HRCT1: variants seen among roughly 807,000 people sequenced by gnomAD.
The protein encoded by HRCT1 is histidine-rich carboxyl terminus protein 1.
For synonymous variants in HRCT1, 76 were observed against 69.0 expected (o/e 1.10, Z -0.50); for missense variants, 185 against 161.3 (o/e 1.15, Z -0.80).
rs1554690916 is a variant in HRCT1, at chr9:35,906,598, A to ACCACCACCC, written c.316_317insACCCCCACC (p.His105_Pro106insHisProHis). On this transcript the variant is annotated inframe_insertion, in exon 1 of 1. Transcript: ENST00000354323. ...ACCCCTCACCACCTCCACCACCACC[A>ACCACCACCC]CCACCCCCACCGCCACCATCCCCGC... 2,711 of 1,195,356 alleles carry ACCACCACCC rather than the reference A, an allele frequency of 2.3e-3. 15 individuals are homozygous for ACCACCACCC. The highest frequency in any genetic ancestry group is 2.6e-3 in the Non-Finnish European group (2,375 of 910,756). 74.0% of individuals were successfully genotyped at this position (1,195,356 alleles called of 1,614,324 possible).
Position 35,906,203 on chromosome 9 carries a change from G to C in HRCT1, c.-85G>C. The C allele has an allele frequency of 6.7e-7, 1 of 1,498,406 alleles. No homozygotes were observed. The highest frequency in any genetic ancestry group is 8.9e-7 in the Non-Finnish European group (1 of 1,126,544). The allele number at this position is 1,498,406 out of a possible 1,614,324, so 92.8% of individuals were successfully genotyped here. A position where few individuals can be genotyped will look rare whatever the true frequency, so the allele number is the denominator to read the frequency against. ...CCCGCAGCAGAGACAACAAAGTTCA[G>C]TGACTGAGAGGGCTGAGCGGAGGCT... On this transcript the variant is annotated 5_prime_UTR_variant, in exon 1 of 1. Transcript: ENST00000354323.
At position 35,906,883 on chromosome 9, in the gene HRCT1, C is replaced by A. The variant is rs989801553; in HGVS notation, c.*248C>A. ...GGAGTGGAGAGCAAGGGTGCTCTTT[C>A]GGGGCTGGACAGCCCGTCTTGTGAC... On this transcript the variant is annotated 3_prime_UTR_variant, in exon 1 of 1. Transcript: ENST00000354323. The A allele has an allele frequency of 9.2e-6, 5 of 546,348 alleles. No homozygotes were observed. The highest frequency in any genetic ancestry group is 1.6e-5 in the Non-Finnish European group (5 of 304,484). The allele number at this position is 546,348 out of a possible 1,614,324, so 33.8% of individuals were successfully genotyped here. A position where few individuals can be genotyped will look rare whatever the true frequency, so the allele number is the denominator to read the frequency against.
In HRCT1 at chr9:35,906,934, T is replaced by G; in HGVS notation, c.*299T>G. 2.2e-6 allele frequency: 1 copy of G among 460,262 alleles called. No homozygotes were observed. Among genetic ancestry groups the G allele is most frequent in the Non-Finnish European group, 4.1e-6 (1 of 246,228 alleles). The allele number at this position is 460,262 out of a possible 1,614,324, so 28.5% of individuals were successfully genotyped here. On this transcript the variant is annotated 3_prime_UTR_variant, in exon 1 of 1. Coordinates refer to ENST00000354323, the MANE Select transcript of HRCT1 (RefSeq NM_001039792.2). ...AGTGACTCCCAGTGAGCCCCAGAAATGACAAGCGTGTCTTGGCAGAGCCAG... is the reference window on the plus strand; with the variant it reads ...AGTGACTCCCAGTGAGCCCCAGAAAGGACAAGCGTGTCTTGGCAGAGCCAG...
rs868430729 is a variant in HRCT1, at chr9:35,906,381, C to T, written c.94C>T (p.Leu32Phe). ...GCTGCTGCTGCTGCTGGCCACCTGCCTTTTCCACGGACGGCAGGACTGTGA... is the reference window on the plus strand; with the variant it reads ...GCTGCTGCTGCTGCTGGCCACCTGCTTTTTCCACGGACGGCAGGACTGTGA... ...LLLLLLLATC[L>F]FHGRQDCDVE... Residue 32 changes from leucine to phenylalanine, a missense_variant, in exon 1 of 1, where the codon CTT becomes TTT. Transcript: ENST00000354323. 22 of 1,612,510 alleles carry T rather than the reference C, an allele frequency of 1.4e-5. No homozygotes were observed. In the African/African-American group the frequency reaches 2.0e-4, roughly 15 times the overall value.
chr9:35,906,384 T>C lies in HRCT1; in HGVS notation c.97T>C (p.Phe33Leu), dbSNP rs1319461706. 1.9e-6 allele frequency: 3 copies of C among 1,612,530 alleles called. No individual in the cohort carries two copies. The highest frequency in any genetic ancestry group is 1.3e-5 in the African/African-American group (1 of 75,036). ...GCTGCTGCTGCTGGCCACCTGCCTTTTCCACGGACGGCAGGACTGTGACGT... is the reference window on the plus strand; with the variant it reads ...GCTGCTGCTGCTGGCCACCTGCCTTCTCCACGGACGGCAGGACTGTGACGT... Reference protein sequence around the residue: ...LLLLLLATCLFHGRQDCDVER... With the variant: ...LLLLLLATCLLHGRQDCDVER... The change falls in exon 1 of 1, where the codon TTC (phenylalanine) becomes CTC (leucine). Residue 33 changes from phenylalanine (F) to leucine (L), a missense_variant. Physicochemically the swap from Phe to Leu is conservative, Grantham distance 22. Coordinates refer to ENST00000354323, the MANE Select transcript of HRCT1 (RefSeq NM_001039792.2).
chr9:35,906,380 C>A, the HRCT1 span: 5 of 1,612,460 alleles, frequency 3.1e-6, no homozygotes, highest in Non-Finnish European at 4.2e-6. Context: ...TGGCCACCTG[C>A]CTTTTCCACG....
In HRCT1 at chr9:35,906,645, C is replaced by T. The variant is rs774808808; in HGVS notation, c.*10C>T. 43 of 1,554,420 alleles carry T rather than the reference C, an allele frequency of 2.8e-5. No individual in the cohort carries two copies. The highest frequency in any genetic ancestry group is 4.6e-5 in the East Asian group (2 of 43,694). On this transcript the variant is annotated 3_prime_UTR_variant, in exon 1 of 1. Coordinates refer to ENST00000354323, the MANE Select transcript of HRCT1 (RefSeq NM_001039792.2). ...CCGCCACGCTCGCTGAGGCTGCTGT[C>T]GCCGGTGCCTGTGGACAGCAGCTGC...
Position 35,906,595 on chromosome 9 carries a change from A to ACCC in HRCT1, c.310_311insCCC (p.His103_His104insPro), listed in dbSNP as rs1554690914. ...CACACCCCTCACCACCTCCACCACC[A>ACCC]CCACCACCCCCACCGCCACCATCCC... On this transcript the variant is annotated inframe_insertion, in exon 1 of 1. Coordinates refer to ENST00000354323, the MANE Select transcript of HRCT1 (RefSeq NM_001039792.2). 6.8e-5 allele frequency: 81 copies of ACCC among 1,198,444 alleles called. No individual in the cohort carries two copies. In the African/African-American group the frequency reaches 8.8e-4, roughly 13 times the overall value. The allele number at this position is 1,198,444 out of a possible 1,614,324, so 74.2% of individuals were successfully genotyped here.
rs1554690917 is a variant in HRCT1, at chr9:35,906,598, ACCACCCCCACCG to A, written c.317_328del (p.Pro106_His109del). The A allele has an allele frequency of 9.2e-6, 11 of 1,195,464 alleles. 1 individual carries two copies. The highest frequency in any genetic ancestry group is 1.2e-5 in the Non-Finnish European group (11 of 910,890). 74.1% of individuals were successfully genotyped at this position (1,195,464 alleles called of 1,614,324 possible). ...ACCCCTCACCACCTCCACCACCACC[ACCACCCCCACCG>A]CCACCATCCCCGCCACGCTCGCTGA... On this transcript the variant is annotated inframe_deletion, in exon 1 of 1. Coordinates refer to ENST00000354323, the MANE Select transcript of HRCT1 (RefSeq NM_001039792.2).
rs1024873421 is a variant in HRCT1 at position 35,906,864 on chromosome 9, G to A, written c.*229G>A. 8 of 615,582 alleles carry A rather than the reference G, an allele frequency of 1.3e-5. No individual in the cohort carries two copies. The highest frequency in any genetic ancestry group is 2.0e-5 in the Non-Finnish European group (7 of 356,934). The allele number at this position is 615,582 out of a possible 1,614,324, so 38.1% of individuals were successfully genotyped here. Reference sequence around the variant, plus strand: ...GCAGTGCTGAAGGGTTTGGGGAGTGGAGAGCAAGGGTGCTCTTTCGGGGCT... The same window carrying A: ...GCAGTGCTGAAGGGTTTGGGGAGTGAAGAGCAAGGGTGCTCTTTCGGGGCT... On this transcript the variant is annotated 3_prime_UTR_variant, in exon 1 of 1. Coordinates refer to ENST00000354323, the MANE Select transcript of HRCT1 (RefSeq NM_001039792.2).
Position 35,906,203 on chromosome 9 carries a change from G to A in HRCT1, c.-85G>A. 1 of 1,498,406 alleles carries A rather than the reference G, an allele frequency of 6.7e-7. No homozygotes were observed. The highest frequency in any genetic ancestry group is 1.3e-5 in the South Asian group (1 of 74,754). The allele number at this position is 1,498,406 out of a possible 1,614,324, so 92.8% of individuals were successfully genotyped here. On this transcript the variant is annotated 5_prime_UTR_variant, in exon 1 of 1. It adds an upstream start codon to the 5' untranslated region. Coordinates refer to ENST00000354323, the MANE Select transcript of HRCT1 (RefSeq NM_001039792.2). ...CCCGCAGCAGAGACAACAAAGTTCA[G>A]TGACTGAGAGGGCTGAGCGGAGGCT...
Position 35,906,578 on chromosome 9 carries a change from T to TCACCCCCTCCACCAC in HRCT1, c.295_296insCCCTCCACCACCACC (p.His98_His99insProLeuHisHisHis), listed in dbSNP as rs1564066598. ...ACCACCACCACCCCCGCCACACCCC[T>TCACCCCCTCCACCAC]CACCACCTCCACCACCACCACCACC... On this transcript the variant is annotated inframe_insertion, in exon 1 of 1. Coordinates refer to ENST00000354323, the MANE Select transcript of HRCT1 (RefSeq NM_001039792.2). 1 of 1,274,460 alleles carries TCACCCCCTCCACCAC rather than the reference T, an allele frequency of 7.8e-7. No individual in the cohort carries two copies. The highest frequency in any genetic ancestry group is 2.9e-5 in the African/African-American group (1 of 34,926). The allele number at this position is 1,274,460 out of a possible 1,614,324, so 78.9% of individuals were successfully genotyped here.
At position 35,906,255 on chromosome 9, in the gene HRCT1, C is replaced by G. The variant is rs1411320250; in HGVS notation, c.-33C>G. ...CTGAAGGGGAGAAAGGAGTGAGGAGCTGCTGGGCAGAGAGGGACTGTCCGG... is the reference window on the plus strand; with the variant it reads ...CTGAAGGGGAGAAAGGAGTGAGGAGGTGCTGGGCAGAGAGGGACTGTCCGG... On this transcript the variant is annotated 5_prime_UTR_variant, in exon 1 of 1. Coordinates refer to ENST00000354323, the MANE Select transcript of HRCT1 (RefSeq NM_001039792.2). 1.1e-5 allele frequency: 18 copies of G among 1,565,836 alleles called. No individual in the cohort carries two copies. The highest frequency in any genetic ancestry group is 1.6e-5 in the Non-Finnish European group (18 of 1,154,216).
In HRCT1 at chr9:35,906,510, C is replaced by G. The variant is rs756867880; in HGVS notation, c.223C>G (p.His75Asp). The G allele has an allele frequency of 1.1e-5, 18 of 1,611,870 alleles. No homozygotes were observed. The highest frequency in any genetic ancestry group is 1.3e-5 in the African/African-American group (1 of 74,884). ...CCTGGGAATCTTTCACCATCACCGTCATCCTGGCCACGTATCTCATGTGCC... is the reference window on the plus strand; with the variant it reads ...CCTGGGAATCTTTCACCATCACCGTGATCCTGGCCACGTATCTCATGTGCC... ...GHLGIFHHHR[H>D]PGHVSHVPNV... The change falls in exon 1 of 1, where the codon CAT (histidine) becomes GAT (aspartate). Residue 75 changes from histidine (H) to aspartate (D), a missense_variant. By Grantham distance (81) the His-to-Asp change is moderately conservative. Transcript: ENST00000354323.
Position 35,906,468 on chromosome 9 carries a change from T to C in HRCT1, c.181T>C (p.Phe61Leu). ...AGTCCGCCGGGCCCAGCCTTGGCCC[T>C]TCCGGCGGCGGGGCCACCTGGGAAT... ...NRVRRAQPWP[F>L]RRRGHLGIFH... Residue 61 changes from phenylalanine to leucine, a missense_variant, in exon 1 of 1, where the codon TTC becomes CTC. Transcript: ENST00000354323. 13 of 1,597,588 alleles carry C rather than the reference T, an allele frequency of 8.1e-6. No individual in the cohort carries two copies. The highest frequency in any genetic ancestry group is 1.1e-5 in the Non-Finnish European group (13 of 1,170,314).
chr9:35,906,558 C>T lies in HRCT1; in HGVS notation c.271C>T (p.His91Tyr), dbSNP rs948543149. 8.3e-6 allele frequency: 13 copies of T among 1,570,282 alleles called. No homozygotes were observed. Among genetic ancestry groups the T allele is most frequent in the Non-Finnish European group, 1.1e-5 (13 of 1,161,500 alleles). Reference protein sequence around the residue: ...HVPNVGLHHHHHPRHTPHHLH... With the variant: ...HVPNVGLHHHYHPRHTPHHLH... Reference sequence around the variant, plus strand: ...GCCGAATGTGGGCCTCCACCACCACCACCACCCCCGCCACACCCCTCACCA... The same window carrying T: ...GCCGAATGTGGGCCTCCACCACCACTACCACCCCCGCCACACCCCTCACCA... The change falls in exon 1 of 1, where the codon CAC (histidine) becomes TAC (tyrosine). Residue 91 changes from histidine (H) to tyrosine (Y), a missense_variant. By Grantham distance (83) the His-to-Tyr change is moderately conservative (BLOSUM62 2). Transcript: ENST00000354323.
chr9:35,906,587 CCA>C, the HRCT1 span: 7 of 1,040,876 alleles, frequency 6.7e-6, no homozygotes, highest in South Asian at 1.3e-4. Context: ...CTCACCACCT[CCA>C]CCACCACCAC....
In HRCT1 at chr9:35,906,580, A is replaced by ACCACCC. The variant is rs1833094294; in HGVS notation, c.298_299insCCCACC (p.His99_Leu100insProHis). The ACCACCC allele has an allele frequency of 6.7e-7, 1 of 1,482,078 alleles. No individual in the cohort carries two copies. Among genetic ancestry groups the ACCACCC allele is most frequent in the Non-Finnish European group, 8.9e-7 (1 of 1,120,224 alleles). The allele number at this position is 1,482,078 out of a possible 1,614,324, so 91.8% of individuals were successfully genotyped here. A position where few individuals can be genotyped will look rare whatever the true frequency, so the allele number is the denominator to read the frequency against. The stretch of plus-strand genomic sequence containing the variant: ...CACCACCACCCCCGCCACACCCCTC[A>ACCACCC]CCACCTCCACCACCACCACCACCCC... On this transcript the variant is annotated inframe_insertion, in exon 1 of 1. Transcript: ENST00000354323.
In HRCT1 at chr9:35,906,560, C is replaced by A. The variant is rs1554690862; in HGVS notation, c.273C>A (p.His91Gln). The A allele has an allele frequency of 1.3e-6, 2 of 1,541,612 alleles. No homozygotes were observed. Among genetic ancestry groups the A allele is most frequent in the Non-Finnish European group, 8.7e-7 (1 of 1,146,412 alleles). Residue 91 changes from histidine to glutamine, a missense_variant, in exon 1 of 1, where the codon CAC becomes CAA. By Grantham distance (24) the His-to-Gln change is conservative. Coordinates refer to ENST00000354323, the MANE Select transcript of HRCT1 (RefSeq NM_001039792.2). Reference protein sequence around the residue: ...HVPNVGLHHHHHPRHTPHHLH... With the variant: ...HVPNVGLHHHQHPRHTPHHLH... ...CGAATGTGGGCCTCCACCACCACCA[C>A]CACCCCCGCCACACCCCTCACCACC...
Sources: allele counts gnomAD v4.1 joint callset, GRCh38; gene constraint gnomAD v4.1.1; transcripts MANE v1.5; gene names NCBI Gene and HGNC (gene_info 2026-07-23, HGNC 2026-07-21).